TCP11L2: variants seen among roughly 807,000 people sequenced by gnomAD.
TCP11L2 encodes the protein t-complex 11 like 2.
A neutral mutation model predicts 50.7 loss-of-function variants in TCP11L2; 39 were observed. That is an observed-to-expected ratio of 0.77 (90% CI 0.60 to 1.01). The LOEUF (loss-of-function observed/expected upper bound fraction) is 1.01. TCP11L2 is among the 50% of genes least tolerant of loss of function. The pLI is 0.00. For synonymous variants in TCP11L2, 192 were observed against 219.3 expected (o/e 0.88, Z 1.10); for missense variants, 612 against 614.7 (o/e 1.00, Z 0.05).
chr12:106,332,668 A>T (rs551282172), intron 6 of TCP11L2, among the ~76,000 whole-genome samples: 2 of 152,194 alleles, frequency 1.3e-5, no homozygotes, highest in Non-Finnish European at 2.9e-5. Flanking sequence ...TTGGTTCCTG[A>T]TGAGGGCTTT....
At chr12:106,327,394 G>C (rs73197519) in intron 6 of TCP11L2, among the ~76,000 whole-genome samples, 2 of 152,076 alleles carry the variant, frequency 1.3e-5, no homozygotes, top group African/African-American at 4.8e-5. Flanking sequence ...ACGGGGGTCT[G>C]TGTTGCTCAG....
At chr12:106,313,689 AT>A (rs1252957232) in intron 2 of TCP11L2, among the ~76,000 whole-genome samples, 1 of 151,680 alleles carries the variant, frequency 6.6e-6, no homozygotes, top group Non-Finnish European at 1.5e-5. Flanking sequence ...CAGAATAAAA[AT>A]AATTTTATCA....
intron 5 of TCP11L2, among the ~76,000 whole-genome samples, chr12:106,322,943 A>G (rs1310259226): frequency 6.6e-6 from 1 of 152,180 alleles, no homozygotes; most frequent in African/African-American, 2.4e-5. Flanking sequence ...ACTGGGTGCC[A>G]CTGCCCCCTG....
intron 9 of TCP11L2, among the ~76,000 whole-genome samples, chr12:106,341,523 T>C (rs1359911005): frequency 6.6e-6 from 1 of 152,236 alleles, no homozygotes; most frequent in Non-Finnish European, 1.5e-5. Flanking sequence ...CTTTTTCTGC[T>C]ACCTGTGACA....
intron 6 of TCP11L2, chr12:106,329,792 G>C: frequency 1.0e-6 from 1 of 990,488 alleles, no homozygotes; most frequent in African/African-American, 1.7e-5. Context: ...TTCCACTCGC[G>C]CTCTCTCAGT....
At chr12:106,312,348 C>G in intron 2 of TCP11L2, 2 of 1,152,926 alleles carry the variant, frequency 1.7e-6, no homozygotes, top group Non-Finnish European at 1.1e-6. Flanking sequence ...TTGGATATCA[C>G]TGGATTATTG....
rs1390767405 is a variant in TCP11L2, at chr12:106,346,801, TA to T, written c.*272del. 3 of 346,386 alleles carry T rather than the reference TA, an allele frequency of 8.7e-6. No individual in the cohort carries two copies. Among genetic ancestry groups the T allele is most frequent in the Non-Finnish European group, 1.6e-5 (3 of 190,590 alleles). The allele number at this position is 346,386 out of a possible 1,614,324, so 21.5% of individuals were successfully genotyped here. A position where few individuals can be genotyped will look rare whatever the true frequency, so the allele number is the denominator to read the frequency against. On this transcript the variant is annotated 3_prime_UTR_variant, in exon 10 of 10. Transcript: ENST00000299045. ...ACAGAAAACAATTTGTAATTAATTATATTACCTATATAATACTTGTAAATGT... is the reference window on the plus strand; with the variant it reads ...ACAGAAAACAATTTGTAATTAATTATTTACCTATATAATACTTGTAAATGT...
rs773858612 is a variant in TCP11L2, at chr12:106,335,762, T to C, written c.896T>C (p.Leu299Ser). The C allele has an allele frequency of 1.9e-6, 3 of 1,614,242 alleles. No homozygotes were observed. Among genetic ancestry groups the C allele is most frequent in the East Asian group, 2.2e-5 (1 of 44,884 alleles). ...TCCAAGCCAAGCCTGAGCCCTACTT[T>C]GGTGCTAAATAATAGTTACTTGAAA... ...NTSKPSLSPTLVLNNSYLKLL... is the reference protein window; with the variant it reads ...NTSKPSLSPTSVLNNSYLKLL... Residue 299 changes from leucine (L) to serine (S), a missense_variant, in exon 7 of 10, where the codon TTG becomes TCG. Leu to Ser is a moderately radical substitution (Grantham distance 145). Coordinates refer to ENST00000299045, the MANE Select transcript of TCP11L2 (RefSeq NM_152772.3).
intron 8 of TCP11L2, among the ~76,000 whole-genome samples, chr12:106,339,893 T>C (rs775547509): frequency 2.6e-4 from 40 of 152,278 alleles, no homozygotes; most frequent in Non-Finnish European, 5.0e-4. Flanking sequence ...TATTTCTTAT[T>C]GCTGTTAATG....
intron 1 of TCP11L2, among the ~76,000 whole-genome samples, chr12:106,310,110 T>C (rs755656454): frequency 5.3e-5 from 8 of 152,318 alleles, no homozygotes; most frequent in Non-Finnish European, 1.2e-4. Context: ...CTGGTCATCC[T>C]GTGTGCCTGT....
At chr12:106,344,474 G>A (rs2036176657) in intron 9 of TCP11L2, among the ~76,000 whole-genome samples, 1 of 152,194 alleles carries the variant, frequency 6.6e-6, no homozygotes, top group Non-Finnish European at 1.5e-5. Context: ...CAGAAAGGAG[G>A]TAACTTTTGG....
At chr12:106,316,897 A>G (rs1032656384) in intron 3 of TCP11L2, among the ~76,000 whole-genome samples, 1 of 152,172 alleles carries the variant, frequency 6.6e-6, no homozygotes. Flanking sequence ...TTTATGAGGT[A>G]AAGCAAAAGA....
At chr12:106,319,383 C>T (rs1285842357) in intron 4 of TCP11L2, among the ~76,000 whole-genome samples, 1 of 152,108 alleles carries the variant, frequency 6.6e-6, no homozygotes, top group Non-Finnish European at 1.5e-5. Flanking sequence ...GTTTTTTCCC[C>T]CCAAAGATTG....
chr12:106,323,749 A>AATG, intron 6 of TCP11L2, 103 bp downstream of exon 6: 1 of 315,936 alleles, frequency 3.2e-6, no homozygotes, highest in Non-Finnish European at 4.3e-6. Context: ...TAAATTAATA[A>AATG]ATAAATAAAA....
chr12:106,342,143 A>G (rs925862637), intron 9 of TCP11L2, among the ~76,000 whole-genome samples: 1 of 152,238 alleles, frequency 6.6e-6, no homozygotes, highest in Non-Finnish European at 1.5e-5. Flanking sequence ...CTAACCTGCT[A>G]GGACTAATCT....
At chr12:106,342,639 G>A (rs188525726) in intron 9 of TCP11L2, among the ~76,000 whole-genome samples, 86 of 152,332 alleles carry the variant, frequency 5.6e-4, no homozygotes, top group East Asian at 2.9e-3. Flanking sequence ...AATGCTGCAC[G>A]TGCACATATA....
At chr12:106,298,020 T>C (rs1362831760), upstream of TCP11L2, among the ~76,000 whole-genome samples, 1 of 152,156 alleles carries the variant, frequency 6.6e-6, no homozygotes, top group Non-Finnish European at 1.5e-5. Flanking sequence ...CTAAGAATAT[T>C]TGTCTTTTTA....
chr12:106,323,223 G>C (rs1425866600), intron 5 of TCP11L2, among the ~76,000 whole-genome samples: 3 of 152,034 alleles, frequency 2.0e-5, no homozygotes, highest in African/African-American at 7.2e-5. Context: ...CCTGTGTCCT[G>C]GCTCTTTAAA....
In TCP11L2 at chr12:106,321,695, GGAGGTGCT is replaced by G; in HGVS notation, c.630_635+2del. 1 of 1,614,054 alleles carries G rather than the reference GGAGGTGCT, an allele frequency of 6.2e-7. No individual in the cohort carries two copies. Among genetic ancestry groups the G allele is most frequent in the Non-Finnish European group, 8.5e-7 (1 of 1,179,988 alleles). On this transcript the variant is annotated frameshift_variant, in exon 5 of 10. Transcript: ENST00000299045. LOFTEE classifies it high-confidence loss of function. ...AGTTAAAGGCTACTGGCAACATCGT[GGAGGTGCT>G]GAGGTTAGCACTTTTGCTGTTTGCA...
Sources: gnomAD v4.1 joint callset for allele counts (sites outside exome capture counted in the v4.1 genomes callset) on GRCh38, gnomAD v4.1.1 for gene constraint, MANE v1.5 for transcripts, NCBI Gene and HGNC (gene_info 2026-07-23, HGNC 2026-07-21) for gene names.